MLPH: variants seen among roughly 807,000 people sequenced by gnomAD.
MLPH encodes melanophilin, also known as exophilin-3.
Under a neutral mutation model 72.1 loss-of-function variants are expected in MLPH, and 51 were observed. The ratio of observed to expected loss-of-function variants is 0.71; its 90% confidence interval spans 0.56 to 0.89. The LOEUF is 0.89. Ranked by LOEUF, MLPH falls within the 40% of genes least tolerant of loss-of-function variation. The pLI, the probability that MLPH is intolerant of heterozygous loss-of-function variation, is 0.00. For synonymous variants in MLPH, 301 were observed against 310.1 expected (o/e 0.97, Z 0.31); for missense variants, 743 against 759.9 (o/e 0.98, Z 0.26).
intron 8 of MLPH, among the ~76,000 whole-genome samples, chr2:237,531,100 C>G (rs2080412495): frequency 6.6e-6 from 1 of 152,224 alleles, no homozygotes; most frequent in Non-Finnish European, 1.5e-5. Flanking sequence ...AAGCATTCCT[C>G]TCTGAGTCTT....
chr2:237,489,198 C>T (rs535287729), intron 1 of MLPH, among the ~76,000 whole-genome samples: 24 of 152,374 alleles, frequency 1.6e-4, no homozygotes, highest in African/African-American at 5.8e-4. Flanking sequence ...TGGGACCCAT[C>T]CTTGCGGTAG....
chr2:237,490,003 T>C lies in MLPH; in HGVS notation c.-25+2566T>C, dbSNP rs544539804. Among the ~76,000 whole-genome samples, 19 of 152,264 alleles carry C rather than the reference T, an allele frequency of 1.2e-4. No homozygotes were observed. In the East Asian group the frequency reaches 2.1e-3, roughly 17 times the overall value. Reference sequence around the variant, plus strand: ...CAACTGCTGGGGAAGGCTGGCTGTCTCCAATGTTTAAAATATGATCGAATC... The same window carrying C: ...CAACTGCTGGGGAAGGCTGGCTGTCCCCAATGTTTAAAATATGATCGAATC... On this transcript the variant is annotated intron_variant, in intron 1 of 15. Transcript: ENST00000264605.
chr2:237,519,544 G>A (rs1056265990), intron 5 of MLPH, among the ~76,000 whole-genome samples: 4 of 152,166 alleles, frequency 2.6e-5, no homozygotes, highest in African/African-American at 7.2e-5. Flanking sequence ...TCGTGCCCCG[G>A]CTATCCGAAG....
rs2081087467 is a variant in MLPH, at chr2:237,554,008, T to C, written c.*416T>C. ...GTTAAGGCACCAGCCATATGTGTAT[T>C]CTTGATGGTCTATATCGGGGTGTGA... On this transcript the variant is annotated 3_prime_UTR_variant, in exon 16 of 16. Transcript: ENST00000264605. 2 of 356,878 alleles carry C rather than the reference T, an allele frequency of 5.6e-6. No homozygotes were observed. Among genetic ancestry groups the C allele is most frequent in the East Asian group, 1.4e-4 (2 of 14,236 alleles). 22.1% of individuals were successfully genotyped at this position (356,878 alleles called of 1,614,324 possible).
chr2:237,536,741 C>T (rs1267650758), intron 9 of MLPH, among the ~76,000 whole-genome samples: 1 of 152,220 alleles, frequency 6.6e-6, no homozygotes, highest in East Asian at 1.9e-4. Context: ...TCCTTCACCC[C>T]CTTCCTGCCC....
At chr2:237,531,419 GGC>G (rs2080418575) in intron 8 of MLPH, among the ~76,000 whole-genome samples, 1 of 151,686 alleles carries the variant, frequency 6.6e-6, no homozygotes, top group Admixed American at 6.6e-5. Context: ...GGACATCCTT[GGC>G]TGGCTGAGCA....
intron 14 of MLPH, among the ~76,000 whole-genome samples, chr2:237,550,515 A>G (rs2081010250): frequency 6.6e-6 from 1 of 152,012 alleles, no homozygotes; most frequent in South Asian, 2.1e-4. Context: ...AGTTTCCTGC[A>G]CATCTCGTGG....
chr2:237,519,961 G>T lies in MLPH; in HGVS notation c.607G>T (p.Asp203Tyr). The T allele has an allele frequency of 6.2e-7, 1 of 1,614,012 alleles. No individual in the cohort carries two copies. The highest frequency in any genetic ancestry group is 8.5e-7 in the Non-Finnish European group (1 of 1,180,010). The stretch of plus-strand genomic sequence containing the variant: ...CTTCGACTTCGAGGGAGACTCAGAT[G>T]ACTCCACTCAGCCTCAAGGTCACTC... ...HDFDFEGDSD[D>Y]STQPQGHSLH... Residue 203 changes from aspartate to tyrosine, a missense_variant, in exon 6 of 16, where the codon GAC becomes TAC. Physicochemically the swap from Asp to Tyr is radical, Grantham distance 160. Transcript: ENST00000264605.
rs748012005 is a variant in MLPH at position 237,552,325 on chromosome 2, T to G, written c.1676-12T>G. 4 of 1,612,940 alleles carry G rather than the reference T, an allele frequency of 2.5e-6. No homozygotes were observed. The highest frequency in any genetic ancestry group is 3.4e-6 in the Non-Finnish European group (4 of 1,178,932). Reference sequence around the variant, plus strand: ...TGATAAAGCACCATCCCTCTTCCTGTTTTCCCCAAAGGTAAAGATGATGAT... The same window carrying G: ...TGATAAAGCACCATCCCTCTTCCTGGTTTCCCCAAAGGTAAAGATGATGAT... On this transcript the variant is annotated splice_polypyrimidine_tract_variant and intron_variant, in intron 14 of 15. Coordinates refer to ENST00000264605, the MANE Select transcript of MLPH (RefSeq NM_024101.7).
intron 7 of MLPH, among the ~76,000 whole-genome samples, chr2:237,526,942 G>A (rs2080317425): frequency 6.6e-6 from 1 of 152,132 alleles, no homozygotes; most frequent in Admixed American, 6.6e-5. Context: ...GTACAAAAGG[G>A]GTTAACAACG....
At chr2:237,531,002 G>A (rs939906825) in intron 8 of MLPH, among the ~76,000 whole-genome samples, 4 of 152,204 alleles carry the variant, frequency 2.6e-5, no homozygotes, top group Non-Finnish European at 5.9e-5. Context: ...GTCAGGCAGC[G>A]AGGTCCCCCA....
At chr2:237,488,438 T>C (rs1310696755) in intron 1 of MLPH, among the ~76,000 whole-genome samples, 1 of 147,274 alleles carries the variant, frequency 6.8e-6, no homozygotes, top group Non-Finnish European at 1.5e-5. Flanking sequence ...CTGGCCTGCA[T>C]CTGTCCTAGG....
intron 2 of MLPH, among the ~76,000 whole-genome samples, chr2:237,503,915 A>G (rs2079706577): frequency 6.6e-6 from 1 of 152,152 alleles, no homozygotes; most frequent in African/African-American, 2.4e-5. Flanking sequence ...TAGGCTGCCC[A>G]CCTGCTGGCC....
chr2:237,533,991 G>A (rs2080479521), intron 8 of MLPH, among the ~76,000 whole-genome samples: 2 of 152,246 alleles, frequency 1.3e-5, no homozygotes, highest in Admixed American at 1.3e-4. Context: ...CATCTGCTGG[G>A]TGAGGAAGAA....
In MLPH at chr2:237,553,650, C is replaced by G; in HGVS notation, c.*58C>G. 1.2e-6 allele frequency: 2 copies of G among 1,611,054 alleles called. No homozygotes were observed. Among genetic ancestry groups the G allele is most frequent in the South Asian group, 2.2e-5 (2 of 91,026 alleles). On this transcript the variant is annotated 3_prime_UTR_variant, in exon 16 of 16. Transcript: ENST00000264605. ...ACTGTTTTCCCTCCACCACAGCCAT[C>G]CTGTCCCTCATTGGCTCTGTGCTTT...
rs1012375235 is a variant in MLPH at position 237,545,366 on chromosome 2, T to G, written c.1540-1240T>G. ...CCCCCCACCTCCCTTCCCGTGAACATCCGGCCTGAGTTTCCTCATAGCCAG... is the reference window on the plus strand; with the variant it reads ...CCCCCCACCTCCCTTCCCGTGAACAGCCGGCCTGAGTTTCCTCATAGCCAG... On this transcript the variant is annotated intron_variant, in intron 12 of 15. Transcript: ENST00000264605. The G allele has an allele frequency of 4.7e-6, 5 of 1,074,072 alleles. No individual in the cohort carries two copies. The African/African-American group carries it at 8.3e-5, about 18-fold the overall frequency. 66.5% of individuals were successfully genotyped at this position (1,074,072 alleles called of 1,614,324 possible).
chr2:237,527,411 G>A lies in MLPH; in HGVS notation c.915G>A (p.Leu305=), dbSNP rs758572071. 1.9e-6 allele frequency: 3 copies of A among 1,614,178 alleles called. No homozygotes were observed. The South Asian group carries it at 3.3e-5, about 18-fold the overall frequency. The change falls in exon 8 of 16, where the codon CTG becomes CTA. Residue 305 remains leucine (L), a synonymous_variant. Transcript: ENST00000264605. ...SNVIRNEQLP[L]QYLADVDTSD... is the part of the protein sequence containing the mutation. The stretch of plus-strand genomic sequence containing the variant: ...TCATCAGGAATGAGCAGCTGCCCCT[G>A]CAGTACTTGGCCGATGTGGACACCT...
Position 237,553,691 on chromosome 2 carries a change from A to G in MLPH, c.*99A>G. 6.5e-7 allele frequency: 1 copy of G among 1,529,564 alleles called. No homozygotes were observed. Among genetic ancestry groups the G allele is most frequent in the Non-Finnish European group, 9.1e-7 (1 of 1,103,064 alleles). 94.7% of individuals were successfully genotyped at this position (1,529,564 alleles called of 1,614,324 possible). On this transcript the variant is annotated 3_prime_UTR_variant, in exon 16 of 16. Coordinates refer to ENST00000264605, the MANE Select transcript of MLPH (RefSeq NM_024101.7). ...TCTGTGCTTTCCACTATACACAGTC[A>G]CCGTCCCAATGAGAAACAAGAAGGA...
chr2:237,550,915 G>A (rs2081024400), intron 14 of MLPH, among the ~76,000 whole-genome samples: 1 of 152,186 alleles, frequency 6.6e-6, no homozygotes, highest in African/African-American at 2.4e-5. Flanking sequence ...GACTGGTTTT[G>A]TGAAGGGTAG....
Sources: allele counts gnomAD v4.1 joint callset (sites outside exome capture counted in the v4.1 genomes callset), GRCh38; gene constraint gnomAD v4.1.1; transcripts MANE v1.5; gene names NCBI Gene and HGNC (gene_info 2026-07-23, HGNC 2026-07-21).